The following CELSR2 variants were observed in gnomAD, a reference collection of about 807,000 sequenced individuals.
The protein encoded by CELSR2 is EGF-like protein 2.
In CELSR2, 81 loss-of-function variants were observed where a neutral mutation model predicts 251.6. The ratio of observed to expected loss-of-function variants is 0.32; its 90% CI spans 0.27 to 0.39. The LOEUF (loss-of-function observed/expected upper bound fraction) is 0.39. Ranked by LOEUF, CELSR2 falls within the 10% of genes least tolerant of loss-of-function variation. The probability of loss-of-function intolerance (pLI) is 1.00; values close to 1 mark genes in which losing one functional copy is unlikely to be tolerated. For synonymous variants in CELSR2, 1,721 were observed against 1,670.5 expected (o/e 1.03, Z -0.74); for missense variants, 3,365 against 3,947.7 (o/e 0.85, Z 3.96).
At chr1:109,254,671 T>C (rs1378013975) in intron 1 of CELSR2, among the ~76,000 whole-genome samples, 1 of 151,706 alleles carries the variant, frequency 6.6e-6, no homozygotes, top group African/African-American at 2.4e-5. Flanking sequence ...CCCCAGGGAG[T>C]GTGGCCTGAA....
At chr1:109,270,246 G>A in intron 23 of CELSR2, 113 bp downstream of exon 23, 2 of 1,315,286 alleles carry the variant, frequency 1.5e-6, no homozygotes, top group Non-Finnish European at 2.1e-6. Context: ...GCCTAGTGCA[G>A]CACCTGGCCC....
At chr1:109,262,249 ACTCAGTGTCCCC>A (rs754294128) in intron 5 of CELSR2, 26 bp from the exon 6 acceptor site, 6 of 1,607,120 alleles carry the variant, frequency 3.7e-6, no homozygotes. Context: ...TGGGCTCTGT[ACTCAGTGTCCCC>A]CTTCTCTGCT....
rs773364988 is a variant in CELSR2, at chr1:109,264,207, G to C, written c.5131G>C (p.Gly1711Arg). The C allele has an allele frequency of 1.2e-6, 2 of 1,613,476 alleles. No individual in the cohort carries two copies. Among genetic ancestry groups the C allele is most frequent in the East Asian group, 4.5e-5 (2 of 44,870 alleles). ...ACAGCTGGCACTGGGAGCCAGCGGG[G>C]GGCCCGGCCATGCCATTCTGTCCTT... is the stretch of plus-strand genomic sequence containing the variant. ...HAQLALGASGGPGHAILSFDY... is the reference protein window; with the variant it reads ...HAQLALGASGRPGHAILSFDY... The change falls in exon 10 of 34, where the codon GGG becomes CGG. Residue 1711 changes from glycine to arginine, a missense_variant. Around this residue, in one of 5 missense-constraint regions of CELSR2, gnomAD observed 2,093 missense variants for 2,382.8 expected, o/e 0.88. Coordinates refer to ENST00000271332, the MANE Select transcript of CELSR2 (RefSeq NM_001408.3).
intron 24 of CELSR2, 56 bp from the exon 25 acceptor site, chr1:109,270,871 T>A: frequency 7.5e-7 from 1 of 1,326,360 alleles, no homozygotes; most frequent in South Asian, 1.3e-5. Flanking sequence ...CCCGCAGCCC[T>A]ACTTCCCAGG....
At position 109,269,439 on chromosome 1, in the gene CELSR2, GATC is replaced by G; in HGVS notation, c.6833_6835del (p.Ile2278del). On this transcript the variant is annotated inframe_deletion, in exon 21 of 34. Coordinates refer to ENST00000271332, the MANE Select transcript of CELSR2 (RefSeq NM_001408.3). This position sits in a 1 kb window ranked among gnomAD's most constrained non-coding sequence, Gnocchi z 6.4. ...CCCACATCAGAGTCCCCAAACGCCC[GATC>G]ATCAACACACCCGTGGTGAGCATCA... The G allele has an allele frequency of 6.2e-7, 1 of 1,613,770 alleles. No individual in the cohort carries two copies. Among genetic ancestry groups the G allele is most frequent in the Non-Finnish European group, 8.5e-7 (1 of 1,179,904 alleles).
chr1:109,264,540 C>G lies in CELSR2; in HGVS notation c.5376C>G (p.Ser1792Arg). Residue 1792 changes from serine (S) to arginine (R), a missense_variant, in exon 11 of 34, where the codon AGC becomes AGG. This residue lies in a region of CELSR2 where 2,093 missense variants were observed against 2,382.8 expected (regional missense o/e 0.88). Coordinates refer to ENST00000271332, the MANE Select transcript of CELSR2 (RefSeq NM_001408.3). The part of the protein sequence containing the change: ...GESINVEQGC[S>R]LPDPCDSNPC... ...GCATCAACGTGGAGCAAGGCTGTAG[C>G]CTGCCTGACCCTTGTGACTCAAACC... 1 of 1,614,198 alleles carries G rather than the reference C, an allele frequency of 6.2e-7. No homozygotes were observed. The highest frequency in any genetic ancestry group is 8.5e-7 in the Non-Finnish European group (1 of 1,180,034).
chr1:109,260,448 T>C (rs72975222), intron 2 of CELSR2, among the ~76,000 whole-genome samples: 2,343 of 152,198 alleles, frequency 0.015, 70 homozygotes, highest in African/African-American at 0.053. Flanking sequence ...CTCTGCCCCA[T>C]TCCTGGGGGC....
Position 109,265,973 on chromosome 1 carries a change from A to G in CELSR2, c.5911+55A>G. ...TCCTTACAGTGTGCTAGGCACCTGC[A>G]CCCCAGGAAAGCCAGGAAGGGGCTG... On this transcript the variant is annotated intron_variant, in intron 14 of 33. Coordinates refer to ENST00000271332, the MANE Select transcript of CELSR2 (RefSeq NM_001408.3). 5 of 1,585,664 alleles carry G rather than the reference A, an allele frequency of 3.2e-6. No homozygotes were observed. In the South Asian group the frequency reaches 4.5e-5, roughly 14 times the overall value.
chr1:109,253,459 T>C, intron 1 of CELSR2, 70 bp downstream of exon 1: 3 of 1,520,468 alleles, frequency 2.0e-6, no homozygotes, highest in South Asian at 1.3e-5. Flanking sequence ...CCACTGGAGG[T>C]AGGGTGCGAT....
rs980628872 is a variant in CELSR2, at chr1:109,265,800, C to G, written c.5793C>G (p.Ser1931=). The G allele has an allele frequency of 1.9e-6, 3 of 1,613,992 alleles. No homozygotes were observed. The African/African-American group carries it at 4.0e-5, about 22-fold the overall frequency. ...CLLCDCYPTG[S]LSRVCDPEDG... is the part of the protein sequence containing the mutation. ...TGTGTGACTGCTACCCCACAGGCTC[C>G]TTGTCCAGAGTCTGTGACCCTGAGG... is the stretch of plus-strand genomic sequence containing the variant. Residue 1931 remains serine (S), a synonymous_variant, in exon 14 of 34, where the codon TCC becomes TCG. Transcript: ENST00000271332.
rs750587946 is a variant in CELSR2 at position 109,269,758 on chromosome 1, G to A, written c.7045G>A (p.Val2349Ile). 10 of 1,613,712 alleles carry A rather than the reference G, an allele frequency of 6.2e-6. No homozygotes were observed. Among genetic ancestry groups the A allele is most frequent in the Middle Eastern group, 3.3e-4 (2 of 6,084 alleles). Residue 2349 changes from valine to isoleucine, a missense_variant, in exon 22 of 34, where the codon GTC (valine) becomes ATC (isoleucine). Transcript: ENST00000271332. This position sits in a 1 kb window ranked among gnomAD's most constrained non-coding sequence, Gnocchi z 6.4. Reference sequence around the variant, plus strand: ...AGTCGTCTTCCGCAATGAGAGCCACGTCAGCTGCCAGTGCAACCACATGAC... The same window carrying A: ...AGTCGTCTTCCGCAATGAGAGCCACATCAGCTGCCAGTGCAACCACATGAC... Reference protein sequence around the residue: ...CEVVFRNESHVSCQCNHMTSF... With the variant: ...CEVVFRNESHISCQCNHMTSF...
rs765392948 is a variant in CELSR2, at chr1:109,264,878, T to C, written c.5475T>C (p.Gly1825=). The C allele has an allele frequency of 6.2e-7, 1 of 1,614,170 alleles. No homozygotes were observed. The highest frequency in any genetic ancestry group is 1.1e-5 in the South Asian group (1 of 91,078). ...TCCTTCTGGTCCCAGGTTACTATGG[T>C]GACAACTGTACTAATGTGTGTGACC... is the stretch of plus-strand genomic sequence containing the variant. The part of the protein sequence containing the change: ...YSCSCDPGYY[G]DNCTNVCDLN... Residue 1825 remains glycine (G), a synonymous_variant, in exon 12 of 34, where the codon GGT becomes GGC. Transcript: ENST00000271332.
At position 109,259,076 on chromosome 1, in the gene CELSR2, A is replaced by G. The variant is rs546994010; in HGVS notation, c.3955A>G (p.Thr1319Ala). 218 of 1,575,852 alleles carry G rather than the reference A, an allele frequency of 1.4e-4. 1 individual carries two copies. In the South Asian group the frequency reaches 2.4e-3, roughly 18 times the overall value. Reference sequence around the variant, plus strand: ...CACCTGCCTCTGTCGTGATGGCTACACGGGTGAGCCAAGGGAGGGGACTCA... The same window carrying G: ...CACCTGCCTCTGTCGTGATGGCTACGCGGGTGAGCCAAGGGAGGGGACTCA... ...GYTCLCRDGY[T>A]GEHCEVSARS... Residue 1319 changes from threonine to alanine, a missense_variant, in exon 2 of 34, where the codon ACG (threonine) becomes GCG (alanine). Transcript: ENST00000271332.
chr1:109,261,235 C>T lies in CELSR2; in HGVS notation c.4152C>T (p.Arg1384=). 6.2e-7 allele frequency: 1 copy of T among 1,613,700 alleles called. No individual in the cohort carries two copies. Among genetic ancestry groups the T allele is most frequent in the Non-Finnish European group, 8.5e-7 (1 of 1,180,024 alleles). The change falls in exon 3 of 34, where the codon CGC becomes CGT. Residue 1384 remains arginine, a synonymous_variant. Transcript: ENST00000271332. The surrounding 1 kb of genome is among the most constrained non-coding windows in gnomAD (Gnocchi z 4.8). ...AHSFITFRGL[R]QRFHFTLALS... is the part of the protein sequence containing the mutation. Reference sequence around the variant, plus strand: ...CCTTCATCACCTTTCGCGGCCTGCGCCAGCGTTTCCACTTCACCCTGGCCC... The same window carrying T: ...CCTTCATCACCTTTCGCGGCCTGCGTCAGCGTTTCCACTTCACCCTGGCCC...
rs143186589 is a variant in CELSR2 at position 109,252,673 on chromosome 1, T to C, written c.2594T>C (p.Ile865Thr). 11 of 1,613,934 alleles carry C rather than the reference T, an allele frequency of 6.8e-6. No homozygotes were observed. The highest frequency in any genetic ancestry group is 3.3e-5 in the Admixed American group (2 of 60,034). ...QGGDDGDGDFIVESTSGIVRT... is the reference protein window; with the variant it reads ...QGGDDGDGDFTVESTSGIVRT... ...GGCGACGATGGAGACGGTGACTTTA[T>C]TGTTGAGTCCACGTCAGGCATCGTG... The change falls in exon 1 of 34, where the codon ATT becomes ACT. Residue 865 changes from isoleucine (I) to threonine (T), a missense_variant. Ile to Thr is a moderately conservative substitution (Grantham distance 89). Coordinates refer to ENST00000271332, the MANE Select transcript of CELSR2 (RefSeq NM_001408.3). This position sits in a 1 kb window ranked among gnomAD's most constrained non-coding sequence, Gnocchi z 4.8.
chr1:109,267,939 C>G lies in CELSR2; in HGVS notation c.6197C>G (p.Thr2066Arg). The G allele has an allele frequency of 6.2e-7, 1 of 1,611,800 alleles. No homozygotes were observed. Residue 2066 changes from threonine (T) to arginine (R), a missense_variant, in exon 17 of 34, where the codon ACA becomes AGA. Around this residue, in one of 5 missense-constraint regions of CELSR2, gnomAD observed 2,093 missense variants for 2,382.8 expected, o/e 0.88. Transcript: ENST00000271332. Reference sequence around the variant, plus strand: ...CTCCTGCGCAACGCCACGCAGCACACAGCTGGCTACTTCGGCAGCGACGTC... The same window carrying G: ...CTCCTGCGCAACGCCACGCAGCACAGAGCTGGCTACTTCGGCAGCGACGTC... ...ALLLRNATQH[T>R]AGYFGSDVKV...
intron 8 of CELSR2, 105 bp from the exon 9 acceptor site, chr1:109,263,506 G>A: frequency 1.3e-6 from 2 of 1,491,996 alleles, no homozygotes; most frequent in Non-Finnish European, 1.8e-6. Context: ...GGGCTGATGA[G>A]GGGAGTGGGC....
In CELSR2 at chr1:109,267,983, G is replaced by A. The variant is rs768736382; in HGVS notation, c.6241G>A (p.Ala2081Thr). Residue 2081 changes from alanine (A) to threonine (T), a missense_variant, in exon 17 of 34, where the codon GCC becomes ACC. Physicochemically the swap from Ala to Thr is moderately conservative, Grantham distance 58. Transcript: ENST00000271332. ...GSDVKVAYQL[A>T]TRLLAHESTQ... is the part of the protein sequence containing the mutation. ...CGACGTCAAGGTGGCCTACCAGCTGGCCACGCGGCTGCTGGCCCACGAGAG... is the reference window on the plus strand; with the variant it reads ...CGACGTCAAGGTGGCCTACCAGCTGACCACGCGGCTGCTGGCCCACGAGAG... The A allele has an allele frequency of 5.0e-6, 8 of 1,610,978 alleles. No homozygotes were observed. The South Asian group carries it at 6.6e-5, about 13-fold the overall frequency.
intron 1 of CELSR2, among the ~76,000 whole-genome samples, chr1:109,256,258 T>A (rs1655842903): frequency 6.6e-6 from 1 of 151,936 alleles, no homozygotes; most frequent in African/African-American, 2.4e-5. Flanking sequence ...GTTAGAAGAC[T>A]CAGAGGACTG....
Sources: gnomAD v4.1 joint callset for allele counts (sites outside exome capture counted in the v4.1 genomes callset) on GRCh38, gnomAD v4.1.1 for gene constraint, gnomAD v4.1.1 regional missense constraint, Gnocchi (gnomAD v3.1) non-coding constraint, MANE v1.5 for transcripts, NCBI Gene and HGNC (gene_info 2026-07-23, HGNC 2026-07-21) for gene names.